DPP7: variants seen among roughly 807,000 people sequenced by gnomAD.
DPP7 encodes the protein dipeptidyl peptidase 2.
A neutral mutation model predicts 58.8 loss-of-function variants in DPP7; 74 were observed. The ratio of observed to expected loss-of-function variants is 1.26; its 90% CI spans 1.04 to 1.53. The LOEUF (loss-of-function observed/expected upper bound fraction) is 1.53, where lower values mean the gene tolerates loss of function less well. Among genes scored for constraint, DPP7 ranks in the 40% most tolerant of loss-of-function variants. The pLI is 0.00. For synonymous variants in DPP7, 350 were observed against 303.6 expected (o/e 1.15, Z -1.59); for missense variants, 807 against 692.3 (o/e 1.17, Z -1.86).
At chr9:137,117,304 C>T (rs1831659280), upstream of DPP7, among the ~76,000 whole-genome samples, 2 of 152,350 alleles carry the variant, frequency 1.3e-5, no homozygotes, top group South Asian at 2.1e-4. Context: ...CCAGGGCCCT[C>T]GTCAGCCTGT....
At chr9:137,112,538 G>C in intron 8 of DPP7, 1 of 698,718 alleles carries the variant, frequency 1.4e-6, no homozygotes, top group South Asian at 1.9e-5. Context: ...GCTGGGCCTG[G>C]CTACAGCCAG....
chr9:137,116,263 CT>C (rs1322070079), upstream of DPP7, among the ~76,000 whole-genome samples: 4 of 152,238 alleles, frequency 2.6e-5, no homozygotes, highest in Admixed American at 1.3e-4. Context: ...CAGCATGGCT[CT>C]GCCAGGGGTG....
rs1831510666 is a variant in DPP7, at chr9:137,114,002, G to A, written c.348C>T (p.Phe116=). The A allele has an allele frequency of 3.3e-6, 5 of 1,525,816 alleles. No individual in the cohort carries two copies. The highest frequency in any genetic ancestry group is 1.8e-4 in the Middle Eastern group (1 of 5,448). 94.5% of individuals were successfully genotyped at this position (1,525,816 alleles called of 1,614,324 possible). A position where few individuals can be genotyped will look rare whatever the true frequency, so the allele number is the denominator to read the frequency against. The change falls in exon 4 of 13, where the codon TTC becomes TTT. Residue 116 remains phenylalanine (F), a synonymous_variant. Coordinates refer to ENST00000371579, the MANE Select transcript of DPP7 (RefSeq NM_013379.3). The part of the protein sequence containing the change: ...EHRYYGKSLP[F]GAQSTQRGHT... ...GCCCGCGCTGCGTGGACTGCGCACC[G>A]AACGGCAGCGACTTCCCGTAGTAGC...
At chr9:137,112,089 C>T in intron 9 of DPP7, 23 bp downstream of exon 9, 1 of 1,611,922 alleles carries the variant, frequency 6.2e-7, no homozygotes, top group Non-Finnish European at 8.5e-7. Flanking sequence ...CCGAGTGGTT[C>T]CAGGCCACCC....
At chr9:137,118,297 C>T (rs564170188), upstream of DPP7, among the ~76,000 whole-genome samples, 11 of 146,404 alleles carry the variant, frequency 7.5e-5, no homozygotes, top group Admixed American at 5.5e-4. Context: ...CTGTTTTAGC[C>T]ATTGTGAATA....
upstream of DPP7, chr9:137,115,200 G>A (rs1162543430): frequency 1.3e-5 from 2 of 153,282 alleles, no homozygotes; most frequent in East Asian, 1.9e-4. Context: ...TTGGCGGGGC[G>A]GGGCCTCGCA....
Position 137,114,730 on chromosome 9 carries a change from G to T in DPP7, c.-17C>A, listed in dbSNP as rs1287853936. On this transcript the variant is annotated 5_prime_UTR_variant, in exon 1 of 13. Transcript: ENST00000371579. ...GGAGCCCATGTCGCCTTCCGCGGGC[G>T]CCCGTCACGTGGGCGGGGTCACGGG... 6 of 1,272,638 alleles carry T rather than the reference G, an allele frequency of 4.7e-6. No homozygotes were observed. The East Asian group carries it at 9.6e-5, about 20-fold the overall frequency. 78.8% of individuals were successfully genotyped at this position (1,272,638 alleles called of 1,614,324 possible).
chr9:137,115,463 TG>T (rs899828715), upstream of DPP7, among the ~76,000 whole-genome samples: 2 of 152,096 alleles, frequency 1.3e-5, no homozygotes, highest in African/African-American at 4.8e-5. Context: ...GGGGCCGTAG[TG>T]GTGGGTGCCA....
chr9:137,111,090 G>T, intron 11 of DPP7, 140 bp from the exon 12 acceptor site: 1 of 864,994 alleles, frequency 1.2e-6, no homozygotes, highest in African/African-American at 1.7e-5. Context: ...AGCCAGAGAC[G>T]GAGGTGGGAA....
intron 8 of DPP7, 171 bp downstream of exon 8, chr9:137,112,574 C>T: frequency 1.2e-6 from 1 of 838,780 alleles, no homozygotes; most frequent in Non-Finnish European, 1.8e-6. Context: ...CAGGGACGGC[C>T]CCTGCCTCCC....
At chr9:137,115,971 G>A (rs963738463), upstream of DPP7, among the ~76,000 whole-genome samples, 9 of 152,218 alleles carry the variant, frequency 5.9e-5, no homozygotes, top group East Asian at 1.2e-3. Flanking sequence ...TGGCTCCCTC[G>A]GGTGCCTTAG....
chr9:137,111,711 C>G lies in DPP7; in HGVS notation c.1251G>C (p.Leu417=). Residue 417 remains leucine, a synonymous_variant, in exon 11 of 13, where the codon CTG becomes CTC. Coordinates refer to ENST00000371579, the MANE Select transcript of DPP7 (RefSeq NM_013379.3). ...ASNIIFSNGN[L]DPWAGGGIRR... ...TCACCCCGCCCCCTGCCCAGGGGTC[C>G]AGGTTCCCGTTGGAGAAGATGATGT... The G allele has an allele frequency of 6.2e-7, 1 of 1,613,646 alleles. No homozygotes were observed. Among genetic ancestry groups the G allele is most frequent in the Admixed American group, 1.7e-5 (1 of 60,016 alleles).
At chr9:137,114,422 G>T (rs757671694) in intron 2 of DPP7, 40 bp from the exon 3 acceptor site, 8 of 1,562,066 alleles carry the variant, frequency 5.1e-6, no homozygotes, top group East Asian at 2.4e-5. Context: ...CCGGGGGGCG[G>T]CGGGACGGCG....
At chr9:137,112,715 C>T in intron 8 of DPP7, 30 bp downstream of exon 8, 1 of 1,583,320 alleles carries the variant, frequency 6.3e-7, no homozygotes, top group Non-Finnish European at 8.6e-7. Context: ...GGTCTCCACA[C>T]TTGCCCATCT....
At chr9:137,111,644 AAAACAAAC>A in intron 11 of DPP7, 38 bp downstream of exon 11, 1 of 1,590,002 alleles carries the variant, frequency 6.3e-7, no homozygotes, top group Non-Finnish European at 8.5e-7. Flanking sequence ...TCTCAAAAAA[AAAACAAAC>A]AAACTAACGG....
In DPP7 at chr9:137,110,921, G is replaced by A. The variant is rs140387263; in HGVS notation, c.1302C>T (p.Ile434=). 3.7e-6 allele frequency: 6 copies of A among 1,612,980 alleles called. No individual in the cohort carries two copies. The highest frequency in any genetic ancestry group is 3.3e-5 in the Admixed American group (2 of 59,972). ...GCGCTCCCCCCTGGATGGTGACGGC[G>A]ATGACTGAGGCACTCAGGTTCCTCC... The part of the protein sequence containing the change: ...GIRRNLSASV[I]AVTIQGGAHH... The change falls in exon 12 of 13, where the codon ATC becomes ATT. Residue 434 remains isoleucine (I), a synonymous_variant. Coordinates refer to ENST00000371579, the MANE Select transcript of DPP7 (RefSeq NM_013379.3).
chr9:137,113,104 CGGA>C lies in DPP7; in HGVS notation c.716_718del (p.Val239_Arg240delinsGly), dbSNP rs747328470. On this transcript the variant is annotated inframe_deletion, in exon 7 of 13. Transcript: ENST00000371579. ...CGGCTGGCAGGTGCCGAACTCCCAGCGGACCGTGTCGTAGGCTGCGTGGAAGGG... is the reference window on the plus strand; with the variant it reads ...CGGCTGGCAGGTGCCGAACTCCCAGCCCGTGTCGTAGGCTGCGTGGAAGGG... 5.0e-5 allele frequency: 80 copies of C among 1,613,616 alleles called. 1 individual carries two copies. In the East Asian group the frequency reaches 1.8e-3, roughly 36 times the overall value.
At chr9:137,111,797 G>C (rs989918118) in intron 10 of DPP7, 43 bp from the exon 11 acceptor site, 2 of 1,613,454 alleles carry the variant, frequency 1.2e-6, no homozygotes, top group Admixed American at 1.7e-5. Context: ...CCCTCACGGG[G>C]GCTGTGAGCC....
At chr9:137,112,051 T>G (rs368821774) in intron 9 of DPP7, 22 bp from the exon 10 acceptor site, 2 of 1,612,738 alleles carry the variant, frequency 1.2e-6, no homozygotes, top group Non-Finnish European at 1.7e-6. Flanking sequence ...CCAGCCTGAG[T>G]CAGGCCAGCC....
Sources: allele counts gnomAD v4.1 joint callset (sites outside exome capture counted in the v4.1 genomes callset), GRCh38; gene constraint gnomAD v4.1.1; transcripts MANE v1.5; gene names NCBI Gene and HGNC (gene_info 2026-07-23, HGNC 2026-07-21).